Variants in TIMELESS observed in about 807,000 individuals in gnomAD.
The protein encoded by TIMELESS is timeless circadian regulator, also known as protein timeless homolog.
In TIMELESS, 124 loss-of-function variants were observed where a neutral mutation model predicts 164.3. The ratio of observed to expected loss-of-function variants is 0.75; its 90% CI spans 0.65 to 0.88. The LOEUF (loss-of-function observed/expected upper bound fraction) is 0.88. TIMELESS is among the 40% of genes least tolerant of loss of function. The probability of loss-of-function intolerance (pLI) is 0.00; values close to 1 mark genes in which losing one functional copy is unlikely to be tolerated. For missense variants in TIMELESS, 1,422 were observed against 1,491.4 expected, an observed-to-expected ratio of 0.95 and a Z score of 0.77; for synonymous variants, 564 against 563.4, an observed-to-expected ratio of 1.00 and a Z score of -0.02.
rs377355550 is a variant in TIMELESS at position 56,445,406 on chromosome 12, G to C, written c.-62+3904C>G. Among the ~76,000 whole-genome samples, 331 of 95,502 alleles carry C rather than the reference G, an allele frequency of 3.5e-3. 3 individuals are homozygous for C. The highest frequency in any genetic ancestry group is 0.013 in the African/African-American group (320 of 25,076). The allele number at this position is 95,502 out of a possible 152,430, so 62.7% of individuals were successfully genotyped here. On this transcript the variant is annotated intron_variant, in intron 1 of 28. Coordinates refer to ENST00000553532, the MANE Select transcript of TIMELESS (RefSeq NM_003920.5). ...CATTGCACTCCAGCCTGGGAAACAA[G>C]AGCGAAACTCCACGTCAAAAAAAAA... is the stretch of plus-strand genomic sequence containing the variant.
Position 56,420,725 on chromosome 12 carries a change from G to A in TIMELESS, c.3110-38C>T, listed in dbSNP as rs1015069778. 9.9e-6 allele frequency: 16 copies of A among 1,613,332 alleles called. No homozygotes were observed. In the Admixed American group the frequency reaches 1.8e-4, roughly 18 times the overall value. ...CAATAGTCATATGGTGAAGATATAA[G>A]GGAAGAACTGGTTCTCCATCCCATG... On this transcript the variant is annotated intron_variant, in intron 25 of 28. Coordinates refer to ENST00000553532, the MANE Select transcript of TIMELESS (RefSeq NM_003920.5).
chr12:56,423,287 G>C lies in TIMELESS; in HGVS notation c.2279C>G (p.Ala760Gly), dbSNP rs200306628. 2.4e-5 allele frequency: 38 copies of C among 1,614,108 alleles called. No individual in the cohort carries two copies. In the African/African-American group the frequency reaches 3.5e-4, roughly 15 times the overall value. ...LFNRLLSDPA[A>G]GAYKELVTFA... ...TTATCCCCTCACTTTGTAGGCTCCA[G>C]CAGCAGGGTCACTAAGCAGACGATT... Residue 760 changes from alanine to glycine, a missense_variant, in exon 18 of 29, where the codon GCT becomes GGT. Physicochemically the swap from Ala to Gly is moderately conservative, Grantham distance 60. Coordinates refer to ENST00000553532, the MANE Select transcript of TIMELESS (RefSeq NM_003920.5).
In TIMELESS at chr12:56,421,040, CCTT is replaced by C. The variant is rs774008998; in HGVS notation, c.2960_2962del (p.Glu987del). 1.1e-5 allele frequency: 18 copies of C among 1,614,062 alleles called. No individual in the cohort carries two copies. Among genetic ancestry groups the C allele is most frequent in the East Asian group, 4.5e-5 (2 of 44,896 alleles). On this transcript the variant is annotated inframe_deletion, in exon 24 of 29. Coordinates refer to ENST00000553532, the MANE Select transcript of TIMELESS (RefSeq NM_003920.5). ...CTGGACTTGTTCTGCTTCTGAGCCC[CCTT>C]CTTCTTCCTCTTCGCTGTCTTCCTC...
chr12:56,421,646 T>C (rs1234249776), intron 22 of TIMELESS, 81 bp downstream of exon 22: 11 of 1,562,126 alleles, frequency 7.0e-6, no homozygotes, highest in Non-Finnish European at 7.9e-6. Flanking sequence ...GAATCTTTCC[T>C]TGGGAATAAA....
chr12:56,421,999 C>T lies in TIMELESS; in HGVS notation c.2542G>A (p.Ala848Thr), dbSNP rs367898231. The T allele has an allele frequency of 1.2e-5, 20 of 1,614,054 alleles. No individual in the cohort carries two copies. The highest frequency in any genetic ancestry group is 1.6e-5 in the Non-Finnish European group (19 of 1,180,034). ...KDVEGQDVVE[A>T]ILAHLNTVPR... The stretch of plus-strand genomic sequence containing the variant: ...ACAGTATTCAGGTGGGCCAAGATGG[C>T]TTCCACCACATCCTGCCCTGGCGTG... Residue 848 changes from alanine (A) to threonine (T), a missense_variant, in exon 21 of 29, where the codon GCC (alanine) becomes ACC (threonine). Ala to Thr is a moderately conservative substitution (Grantham distance 58). Transcript: ENST00000553532.
intron 1 of TIMELESS, among the ~76,000 whole-genome samples, chr12:56,436,375 A>G (rs1882071391): frequency 6.6e-6 from 1 of 151,952 alleles, no homozygotes; most frequent in African/African-American, 2.4e-5. Context: ...AATCGCTTTA[A>G]CCCGGGAGGC....
At chr12:56,422,813 A>ACC in intron 19 of TIMELESS, 34 bp downstream of exon 19, 3 of 1,357,046 alleles carry the variant, frequency 2.2e-6, no homozygotes, top group Non-Finnish European at 3.1e-6. Context: ...AACTTCCCCT[A>ACC]CCCCCACCCA....
rs779251416 is a variant in TIMELESS, at chr12:56,417,895, C to G, written c.3556+12G>C. The G allele has an allele frequency of 6.1e-5, 99 of 1,614,184 alleles. 2 individuals are homozygous for G. The South Asian group carries it at 1.1e-3, about 18-fold the overall frequency. ...TTAGAGAAGAAAAAGAAGGTCCCAT[C>G]AAATTCCCTACCTCTGTTCCTGCCC... is the stretch of plus-strand genomic sequence containing the variant. On this transcript the variant is annotated intron_variant, in intron 28 of 28. Transcript: ENST00000553532.
intron 26 of TIMELESS, among the ~76,000 whole-genome samples, chr12:56,420,095 GTA>G (rs1179630442): frequency 8.1e-4 from 100 of 124,190 alleles, no homozygotes; most frequent in African/African-American, 2.3e-3. Context: ...TAAATAAAAT[GTA>G]TATATATATA....
intron 13 of TIMELESS, among the ~76,000 whole-genome samples, chr12:56,426,045 A>G (rs1881666828): frequency 6.6e-6 from 1 of 152,178 alleles, no homozygotes; most frequent in Non-Finnish European, 1.5e-5. Flanking sequence ...CCATTAAAGA[A>G]CTTACAATCA....
intron 19 of TIMELESS, 24 bp downstream of exon 19, chr12:56,422,823 A>AATT: frequency 1.0e-6 from 1 of 961,722 alleles, no homozygotes; most frequent in Non-Finnish European, 1.6e-6. Flanking sequence ...ACCCCCACCC[A>AATT]CCCTTTGCCA....
intron 1 of TIMELESS, among the ~76,000 whole-genome samples, chr12:56,439,952 C>G (rs1049472718): frequency 3.9e-5 from 6 of 152,030 alleles, no homozygotes; most frequent in African/African-American, 1.5e-4. Flanking sequence ...TGTCAAACAC[C>G]ACAGAGCCAA....
At position 56,421,314 on chromosome 12, in the gene TIMELESS, T is replaced by C. The variant is rs147934968; in HGVS notation, c.2868+37A>G. 2,439 of 1,604,808 alleles carry C rather than the reference T, an allele frequency of 1.5e-3. 24 individuals are homozygous for C. In the African/African-American group the frequency reaches 0.027, roughly 18 times the overall value. ...CTCCTAAGGACCACTTCAAGGGAAG[T>C]GAGCCCATGCCAGCAGAGCTAGGGT... On this transcript the variant is annotated intron_variant, in intron 23 of 28. Transcript: ENST00000553532.
At chr12:56,438,954 C>A (rs1025056020) in intron 1 of TIMELESS, among the ~76,000 whole-genome samples, 51 of 150,356 alleles carry the variant, frequency 3.4e-4, no homozygotes, top group Admixed American at 3.4e-3. Flanking sequence ...ACCCTGAGGT[C>A]AGGAGTTGAG....
rs748516229 is a variant in TIMELESS, at chr12:56,423,666, C to T, written c.2008G>A (p.Glu670Lys). ...PEERGAEEEE[E>K]EEEEEEEELQ... is the part of the protein sequence containing the mutation. Reference sequence around the variant, plus strand: ...TCCTCCTCTTCCTCCTCCTCCTCCTCTTCTTCTTCCTCTGCCCCACGTTCC... The same window carrying T: ...TCCTCCTCTTCCTCCTCCTCCTCCTTTTCTTCTTCCTCTGCCCCACGTTCC... The change falls in exon 17 of 29, where the codon GAG becomes AAG. Residue 670 changes from glutamate to lysine, a missense_variant. Transcript: ENST00000553532. 6.2e-7 allele frequency: 1 copy of T among 1,613,700 alleles called. No individual in the cohort carries two copies. The highest frequency in any genetic ancestry group is 2.2e-5 in the East Asian group (1 of 44,876).
Position 56,431,580 on chromosome 12 carries a change from C to T in TIMELESS, c.712G>A (p.Gly238Arg). The T allele has an allele frequency of 6.2e-7, 1 of 1,613,440 alleles. No individual in the cohort carries two copies. Among genetic ancestry groups the T allele is most frequent in the African/African-American group, 1.3e-5 (1 of 74,962 alleles). Residue 238 changes from glycine (G) to arginine (R), a missense_variant, in exon 8 of 29, where the codon GGG becomes AGG. Gly to Arg is a moderately radical substitution (Grantham distance 125). Transcript: ENST00000553532. ...CGCTCCTGAGCTAAGCGTCCCTGCCCTACTCCCGCCAGCTGCTCGGGGTTC... is the reference window on the plus strand; with the variant it reads ...CGCTCCTGAGCTAAGCGTCCCTGCCTTACTCCCGCCAGCTGCTCGGGGTTC... Reference protein sequence around the residue: ...DQNPEQLAGVGQGRLAQERSA... With the variant: ...DQNPEQLAGVRQGRLAQERSA...
In TIMELESS at chr12:56,434,259, G is replaced by A; in HGVS notation, c.-61-28C>T. 24 of 1,074,682 alleles carry A rather than the reference G, an allele frequency of 2.2e-5. No homozygotes were observed. In the South Asian group the frequency reaches 2.7e-4, roughly 12 times the overall value. The allele number at this position is 1,074,682 out of a possible 1,614,324, so 66.6% of individuals were successfully genotyped here. ...GGAGAAATAGAGAAAGATAAAAAAT[G>A]TAAGTTCCTCTCCATGAAAAGAAGA... On this transcript the variant is annotated intron_variant, in intron 1 of 28. Transcript: ENST00000553532.
intron 1 of TIMELESS, among the ~76,000 whole-genome samples, chr12:56,439,162 C>A (rs1882169934): frequency 2.6e-5 from 1 of 37,964 alleles, no homozygotes; most frequent in Non-Finnish European, 4.3e-5. Flanking sequence ...GTGAAAACTC[C>A]TTCTCAAAAA....
intron 1 of TIMELESS, among the ~76,000 whole-genome samples, chr12:56,439,688 A>C (rs997145392): frequency 3.9e-5 from 6 of 152,106 alleles, no homozygotes; most frequent in African/African-American, 1.4e-4. Flanking sequence ...GTGAACCACC[A>C]CACCTAGCCT....
Sources: allele counts gnomAD v4.1 joint callset (sites outside exome capture counted in the v4.1 genomes callset), GRCh38; gene constraint gnomAD v4.1.1; transcripts MANE v1.5; gene names NCBI Gene and HGNC (gene_info 2026-07-23, HGNC 2026-07-21).